Variants in CDK5RAP2 observed in about 807,000 individuals in gnomAD.
The protein encoded by CDK5RAP2 is CDK5 regulatory subunit-associated protein 2.
In CDK5RAP2, 147 loss-of-function variants were observed where a neutral mutation model predicts 232.9. The ratio of observed to expected loss-of-function variants is 0.63; its 90% CI spans 0.55 to 0.72. The LOEUF is 0.72. Among genes scored for constraint, CDK5RAP2 ranks in the 30% least tolerant of loss-of-function variants. CDK5RAP2 has a pLI of 0.00. For synonymous variants in CDK5RAP2, 833 were observed against 833.7 expected, an observed-to-expected ratio of 1.00 and a Z score of 0.01; for missense variants, 2,195 against 2,231.5, an observed-to-expected ratio of 0.98 and a Z score of 0.33.
chr9:120,420,225 G>A (rs2034485059), intron 26 of CDK5RAP2, among the ~76,000 whole-genome samples: 2 of 152,166 alleles, frequency 1.3e-5, no homozygotes, highest in African/African-American at 4.8e-5. Context: ...GGACCCAAGA[G>A]GACTTGGGTC....
chr9:120,490,615 T>C (rs955641074), intron 13 of CDK5RAP2, among the ~76,000 whole-genome samples: 7 of 152,266 alleles, frequency 4.6e-5, no homozygotes, highest in African/African-American at 1.7e-4. Context: ...TGGAGAAAGC[T>C]GAATCCTATG....
chr9:120,484,808 G>A (rs960039003), intron 14 of CDK5RAP2, among the ~76,000 whole-genome samples: 1 of 152,062 alleles, frequency 6.6e-6, no homozygotes, highest in South Asian at 2.1e-4. Flanking sequence ...GTTCACTCCA[G>A]CCTCAAATTC....
At chr9:120,411,333 T>G in intron 29 of CDK5RAP2, 25 bp downstream of exon 29, 1 of 1,390,690 alleles carries the variant, frequency 7.2e-7, no homozygotes, top group Middle Eastern at 1.8e-4. Flanking sequence ...CGTTCCAGAC[T>G]TCCAGTGACT....
At chr9:120,510,162 T>C (rs1269865849) in intron 12 of CDK5RAP2, among the ~76,000 whole-genome samples, 1 of 152,138 alleles carries the variant, frequency 6.6e-6, no homozygotes, top group Non-Finnish European at 1.5e-5. Flanking sequence ...CATCAATGAG[T>C]ACATGTGAGA....
At chr9:120,463,248 G>T (rs1272466152) in intron 18 of CDK5RAP2, among the ~76,000 whole-genome samples, 1 of 152,156 alleles carries the variant, frequency 6.6e-6, no homozygotes, top group Non-Finnish European at 1.5e-5. Flanking sequence ...GCGGGCGCCT[G>T]TAGTCCCAGC....
intron 27 of CDK5RAP2, 130 bp downstream of exon 27, chr9:120,419,658 T>C: frequency 1.3e-6 from 1 of 774,096 alleles, no homozygotes. Flanking sequence ...TGACCAGCAT[T>C]GGCCCTAATG....
chr9:120,542,524 C>G (rs2041677681), intron 5 of CDK5RAP2, among the ~76,000 whole-genome samples: 1 of 151,082 alleles, frequency 6.6e-6, no homozygotes, highest in Non-Finnish European at 1.5e-5. Context: ...GATGGGTACA[C>G]CTAGCAGTTC....
chr9:120,501,861 G>A lies in CDK5RAP2; in HGVS notation c.1312-10384C>T, dbSNP rs1281680585. On this transcript the variant is annotated intron_variant, in intron 12 of 37. Transcript: ENST00000349780. ...GTATAATGAAATGATTGTTGTTTTG[G>A]GGTAATTTGTTATGCAGCAATAGAT... Among the ~76,000 whole-genome samples the A allele has an allele frequency of 2.6e-5, 4 of 152,146 alleles. No homozygotes were observed. In the East Asian group the frequency reaches 7.7e-4, roughly 29 times the overall value.
intron 28 of CDK5RAP2, among the ~76,000 whole-genome samples, chr9:120,411,791 G>A (rs959108152): frequency 1.3e-5 from 2 of 152,244 alleles, no homozygotes; most frequent in East Asian, 1.9e-4. Flanking sequence ...GCTGCCTGCC[G>A]CGCCTCACCA....
intron 14 of CDK5RAP2, among the ~76,000 whole-genome samples, chr9:120,478,143 A>C (rs2038116173): frequency 1.3e-5 from 2 of 152,258 alleles, no homozygotes; most frequent in Non-Finnish European, 2.9e-5. Flanking sequence ...GTTACTTACT[A>C]GGAGCCTTGG....
chr9:120,420,540 A>G (rs1203209176), intron 26 of CDK5RAP2, among the ~76,000 whole-genome samples: 1 of 152,138 alleles, frequency 6.6e-6, no homozygotes, highest in African/African-American at 2.4e-5. Context: ...TCGTTATTCT[A>G]GCAATCATCT....
intron 1 of CDK5RAP2, among the ~76,000 whole-genome samples, chr9:120,576,167 G>A (rs2043024638): frequency 6.6e-6 from 1 of 152,164 alleles, no homozygotes; most frequent in South Asian, 2.1e-4. Flanking sequence ...AATTCAATTT[G>A]TTTCCAAGTT....
At chr9:120,576,852 G>T (rs1581776) in intron 1 of CDK5RAP2, among the ~76,000 whole-genome samples, 1 of 152,062 alleles carries the variant, frequency 6.6e-6, no homozygotes, top group Admixed American at 6.5e-5. Flanking sequence ...GAAGCAGGAG[G>T]ATCACTTGAG....
At position 120,453,807 on chromosome 9, in the gene CDK5RAP2, A is replaced by G. The variant is rs774367525; in HGVS notation, c.2442T>C (p.Val814=). Residue 814 remains valine (V), a synonymous_variant, in exon 21 of 38, where the codon GTT becomes GTC. Transcript: ENST00000349780. ...LGQLFLTEQE[V]SGEHLDGKTE... Reference sequence around the variant, plus strand: ...TTTTACCATCAAGGTGTTCTCCAGAAACTTCCTGCTCTGTCAAGAATAGTT... The same window carrying G: ...TTTTACCATCAAGGTGTTCTCCAGAGACTTCCTGCTCTGTCAAGAATAGTT... The G allele has an allele frequency of 3.1e-6, 5 of 1,614,080 alleles. No individual in the cohort carries two copies. Among genetic ancestry groups the G allele is most frequent in the Non-Finnish European group, 4.2e-6 (5 of 1,180,034 alleles).
chr9:120,412,784 C>T (rs2033929732), intron 28 of CDK5RAP2, among the ~76,000 whole-genome samples: 1 of 152,212 alleles, frequency 6.6e-6, no homozygotes, highest in Admixed American at 6.5e-5. Context: ...GGTACGGCAT[C>T]AGTTCTCCAA....
chr9:120,574,377 C>G (rs780331900), intron 1 of CDK5RAP2, among the ~76,000 whole-genome samples: 6 of 152,126 alleles, frequency 3.9e-5, no homozygotes, highest in Non-Finnish European at 7.3e-5. Context: ...GGGATACTCA[C>G]GAGAAATGAC....
chr9:120,414,233 G>A (rs539470325), intron 28 of CDK5RAP2, among the ~76,000 whole-genome samples: 3 of 152,308 alleles, frequency 2.0e-5, no homozygotes, highest in Admixed American at 6.5e-5. Flanking sequence ...AAACAATTAA[G>A]ACTGGGAGAA....
rs1564172759 is a variant in CDK5RAP2, at chr9:120,403,023, C to T, written c.5090G>A (p.Cys1697Tyr). 3 of 1,614,050 alleles carry T rather than the reference C, an allele frequency of 1.9e-6. No homozygotes were observed. The highest frequency in any genetic ancestry group is 1.7e-6 in the Non-Finnish European group (2 of 1,180,020). The change falls in exon 34 of 38, where the codon TGC becomes TAC. Residue 1697 changes from cysteine to tyrosine, a missense_variant. Physicochemically the swap from Cys to Tyr is radical, Grantham distance 194. Coordinates refer to ENST00000349780, the MANE Select transcript of CDK5RAP2 (RefSeq NM_018249.6). This position sits in a 1 kb window ranked among gnomAD's most constrained non-coding sequence, Gnocchi z 4.2. The stretch of plus-strand genomic sequence containing the variant: ...GCTAGTTGCCGAACTGCCACTGTCG[C>T]AGGAGAGGGAGTCCGTGTCATTCCC... ...LSGNDTDSLSCDSGSSATSTP... is the reference protein window; with the variant it reads ...LSGNDTDSLSYDSGSSATSTP...
At position 120,547,737 on chromosome 9, in the gene CDK5RAP2, T is replaced by C. The variant is rs575018048; in HGVS notation, c.307-1947A>G. 2.6e-5 allele frequency among the ~76,000 whole-genome samples: 4 copies of C among 152,218 alleles called. No homozygotes were observed. In the South Asian group the frequency reaches 8.3e-4, roughly 32 times the overall value. ...CCATGACAGTAAGGTCATGGGTGTG[T>C]GAACAAAAGGACATAGGTTTAAATT... On this transcript the variant is annotated intron_variant, in intron 4 of 37. Transcript: ENST00000349780.
Sources: allele counts gnomAD v4.1 joint callset (sites outside exome capture counted in the v4.1 genomes callset), GRCh38; gene constraint gnomAD v4.1.1; non-coding constraint Gnocchi (gnomAD v3.1); transcripts MANE v1.5; gene names NCBI Gene and HGNC (gene_info 2026-07-23, HGNC 2026-07-21).